Variants in KIAA1549 observed in about 807,000 individuals in gnomAD.
KIAA1549 encodes the protein KIAA1549.
A neutral mutation model predicts 156.4 loss-of-function variants in KIAA1549; 70 were observed. The ratio of observed to expected loss-of-function variants is 0.45; its 90% CI spans 0.37 to 0.55. The LOEUF (loss-of-function observed/expected upper bound fraction) is 0.55. KIAA1549 is among the 20% of genes least tolerant of loss of function. The pLI, the probability that KIAA1549 is intolerant of heterozygous loss-of-function variation, is 0.00. For missense variants in KIAA1549, 2,428 were observed against 2,540.9 expected (o/e 0.96, Z 0.96); for synonymous variants, 1,103 against 1,066.4 (o/e 1.03, Z -0.67).
intron 1 of KIAA1549, among the ~76,000 whole-genome samples, chr7:138,931,100 C>T (rs886333386): frequency 5.3e-5 from 8 of 152,164 alleles, no homozygotes; most frequent in African/African-American, 1.7e-4. Flanking sequence ...AGTTAGGACA[C>T]GCACATTTAT....
intron 16 of KIAA1549, among the ~76,000 whole-genome samples, chr7:138,856,880 T>C (rs778814173): frequency 6.6e-5 from 10 of 152,178 alleles, no homozygotes; most frequent in Non-Finnish European, 1.0e-4. Flanking sequence ...TTTGAATTGG[T>C]GGACAGTAAG....
rs1326137227 is a variant in KIAA1549, at chr7:138,918,199, T to G, written c.1427A>C (p.Glu476Ala). Residue 476 changes from glutamate (E) to alanine (A), a missense_variant, in exon 2 of 20, where the codon GAA becomes GCA. Physicochemically the swap from Glu to Ala is moderately radical, Grantham distance 107 (BLOSUM62 -1). Transcript: ENST00000422774. This position sits in a 1 kb window ranked among gnomAD's most constrained non-coding sequence, Gnocchi z 4.2. Reference protein sequence around the residue: ...SVVADFSEFEEDPQVFNTLFP... With the variant: ...SVVADFSEFEADPQVFNTLFP... ...AAGCGTATTAAATACTTGAGGATCT[T>G]CCTCAAATTCAGAGAAGTCTGCTAC... The G allele has an allele frequency of 1.2e-6, 2 of 1,613,992 alleles. No individual in the cohort carries two copies. Among genetic ancestry groups the G allele is most frequent in the Non-Finnish European group, 1.7e-6 (2 of 1,179,888 alleles).
chr7:138,858,358 G>C (rs1262822830), intron 16 of KIAA1549, among the ~76,000 whole-genome samples: 1 of 151,992 alleles, frequency 6.6e-6, no homozygotes, highest in Admixed American at 6.6e-5. Context: ...AGCCTCCCAA[G>C]GTGCTGGGAT....
At chr7:138,887,819 C>A (rs975820284) in intron 10 of KIAA1549, among the ~76,000 whole-genome samples, 1 of 152,220 alleles carries the variant, frequency 6.6e-6, no homozygotes, top group Non-Finnish European at 1.5e-5. Context: ...ATTCGTTCCA[C>A]GTTGGGAAAC....
intron 12 of KIAA1549, among the ~76,000 whole-genome samples, chr7:138,872,853 G>A (rs944585781): frequency 7.2e-5 from 11 of 152,124 alleles, no homozygotes; most frequent in African/African-American, 2.4e-4. Flanking sequence ...GCAGTGAGCC[G>A]AGATCATGTC....
chr7:138,951,089 A>G (rs1279785128), intron 1 of KIAA1549, among the ~76,000 whole-genome samples: 1 of 151,984 alleles, frequency 6.6e-6, no homozygotes. Context: ...TTTTGAGATA[A>G]GAGTCTTACT....
At chr7:138,962,611 T>C (rs582427) in intron 1 of KIAA1549, among the ~76,000 whole-genome samples, 77,554 of 151,998 alleles carry the variant, frequency 0.51, 23,147 homozygotes, top group African/African-American at 0.84. Context: ...TGGTGGGACA[T>C]GAAGGTAGGA....
rs566698657 is a variant in KIAA1549, at chr7:138,836,176, C to T, written c.*1730G>A. The T allele has an allele frequency of 3.3e-4, 70 of 208,990 alleles. No homozygotes were observed. Among genetic ancestry groups the T allele is most frequent in the African/African-American group, 1.4e-3 (61 of 44,118 alleles). 12.9% of individuals were successfully genotyped at this position (208,990 alleles called of 1,614,324 possible). ...TTATTTAATGAAAAGTACAGTCATG[C>T]ACACATCAGGATGTTTTGGTCAATG... On this transcript the variant is annotated 3_prime_UTR_variant, in exon 20 of 20. Transcript: ENST00000422774.
In KIAA1549 at chr7:138,909,070, T is replaced by C; in HGVS notation, c.3197A>G (p.Gln1066Arg). Residue 1066 changes from glutamine (Q) to arginine (R), a missense_variant, in exon 5 of 20, where the codon CAG (glutamine) becomes CGG (arginine). By Grantham distance (43) the Gln-to-Arg change is conservative. Transcript: ENST00000422774. ...SVDTGFCNFTQRIEKGLMTAL... is the reference protein window; with the variant it reads ...SVDTGFCNFTRRIEKGLMTAL... ...TGTCATTAGGCCTTTCTCAATGCGC[T>C]GGGTGAAGTTGCAGAAGCCAGTATC... 2 of 1,613,894 alleles carry C rather than the reference T, an allele frequency of 1.2e-6. No individual in the cohort carries two copies. Among genetic ancestry groups the C allele is most frequent in the Non-Finnish European group, 1.7e-6 (2 of 1,179,864 alleles).
chr7:138,943,568 C>T (rs1360806897), intron 1 of KIAA1549, among the ~76,000 whole-genome samples: 2 of 152,116 alleles, frequency 1.3e-5, no homozygotes, highest in Non-Finnish European at 2.9e-5. Flanking sequence ...TGCATTACCT[C>T]GCCAGGCGCA....
chr7:138,978,234 C>T (rs1656462575), intron 1 of KIAA1549, among the ~76,000 whole-genome samples: 1 of 152,060 alleles, frequency 6.6e-6, no homozygotes, highest in Non-Finnish European at 1.5e-5. Context: ...TACCTACAGG[C>T]TGTGAGATTA....
chr7:138,847,875 CATCT>C (rs1192865676), intron 17 of KIAA1549, among the ~76,000 whole-genome samples: 1 of 152,180 alleles, frequency 6.6e-6, no homozygotes, highest in Non-Finnish European at 1.5e-5. Context: ...AATCTGTGAA[CATCT>C]TTCTTTAGAG....
rs780081175 is a variant in KIAA1549 at position 138,899,093 on chromosome 7, C to T, written c.3709G>A (p.Val1237Ile). ...TCCTCCACAAAGTAGATGAGCTGTACCGGATTGTCATCTCCCTCCAGCCTC... is the reference window on the plus strand; with the variant it reads ...TCCTCCACAAAGTAGATGAGCTGTATCGGATTGTCATCTCCCTCCAGCCTC... Reference protein sequence around the residue: ...VSRLEGDDNPVQLIYFVEDQD... With the variant: ...VSRLEGDDNPIQLIYFVEDQD... Residue 1237 changes from valine (V) to isoleucine (I), a missense_variant, in exon 9 of 20, where the codon GTA becomes ATA. By Grantham distance (29) the Val-to-Ile change is conservative. This residue lies in a region of KIAA1549 where 762 missense variants were observed against 901.6 expected (regional missense o/e 0.85). Transcript: ENST00000422774. 1.9e-6 allele frequency: 3 copies of T among 1,613,726 alleles called. No homozygotes were observed. Among genetic ancestry groups the T allele is most frequent in the South Asian group, 1.1e-5 (1 of 91,086 alleles).
chr7:138,900,623 G>A (rs548518251), intron 8 of KIAA1549, among the ~76,000 whole-genome samples: 1 of 152,304 alleles, frequency 6.6e-6, no homozygotes, highest in East Asian at 1.9e-4. Context: ...GGTGGTGGGG[G>A]AGCCTAATGG....
At chr7:138,941,609 A>G (rs1387168431) in intron 1 of KIAA1549, among the ~76,000 whole-genome samples, 21 of 152,248 alleles carry the variant, frequency 1.4e-4, no homozygotes, top group Admixed American at 1.4e-3. Context: ...CCTGTGCGAC[A>G]GAAGAATCCT....
chr7:138,930,260 G>A (rs1002072877), intron 1 of KIAA1549, among the ~76,000 whole-genome samples: 1 of 152,196 alleles, frequency 6.6e-6, no homozygotes, highest in Non-Finnish European at 1.5e-5. Context: ...CACTTACAGA[G>A]TGCAAGCAGA....
chr7:138,905,338 T>C (rs1042167660), intron 6 of KIAA1549, among the ~76,000 whole-genome samples: 1 of 152,178 alleles, frequency 6.6e-6, no homozygotes. Context: ...CACCGGCAAG[T>C]TCTCCTTTGA....
In KIAA1549 at chr7:138,832,114, A is replaced by G. The variant is rs1482886838; in HGVS notation, c.*5792T>C. On this transcript the variant is annotated 3_prime_UTR_variant, in exon 20 of 20. Transcript: ENST00000422774. Reference sequence around the variant, plus strand: ...CTATTCGTGATGCTCCAAGTAGCCCAGAAAGGTTCTGTGTAATCAGGGACT... The same window carrying G: ...CTATTCGTGATGCTCCAAGTAGCCCGGAAAGGTTCTGTGTAATCAGGGACT... The G allele has an allele frequency of 4.4e-6, 1 of 228,112 alleles. No individual in the cohort carries two copies. Among genetic ancestry groups the G allele is most frequent in the African/African-American group, 2.2e-5 (1 of 44,886 alleles). The allele number at this position is 228,112 out of a possible 1,614,324, so 14.1% of individuals were successfully genotyped here.
Position 138,844,490 on chromosome 7 carries a change from A to G in KIAA1549, c.5295-16T>C. On this transcript the variant is annotated splice_polypyrimidine_tract_variant and intron_variant, in intron 17 of 19. Transcript: ENST00000422774. ...AAAACCTGGTCTGAAGGCAAAGCAAACCAGCACATCAGGACTCCACTGCAC... is the reference window on the plus strand; with the variant it reads ...AAAACCTGGTCTGAAGGCAAAGCAAGCCAGCACATCAGGACTCCACTGCAC... The G allele has an allele frequency of 6.6e-7, 1 of 1,519,676 alleles. No individual in the cohort carries two copies. Among genetic ancestry groups the G allele is most frequent in the Non-Finnish European group, 8.8e-7 (1 of 1,136,718 alleles). 94.1% of individuals were successfully genotyped at this position (1,519,676 alleles called of 1,614,324 possible).
Sources: allele counts gnomAD v4.1 joint callset (sites outside exome capture counted in the v4.1 genomes callset), GRCh38; gene constraint gnomAD v4.1.1; regional missense constraint gnomAD v4.1.1; non-coding constraint Gnocchi (gnomAD v3.1); transcripts MANE v1.5; gene names NCBI Gene and HGNC (gene_info 2026-07-23, HGNC 2026-07-21).